Variants in TTC3 observed in about 807,000 individuals in gnomAD.
TTC3 encodes tetratricopeptide repeat domain 3.
A neutral mutation model predicts 249.6 loss-of-function variants in TTC3; 180 were observed. That is an observed-to-expected ratio of 0.72 (90% CI 0.64 to 0.82). The LOEUF (loss-of-function observed/expected upper bound fraction) is 0.82, where lower values mean the gene tolerates loss of function less well. TTC3 is among the 40% of genes least tolerant of loss of function. The probability of loss-of-function intolerance (pLI) is 0.00; values close to 1 mark genes in which losing one functional copy is unlikely to be tolerated. For synonymous variants in TTC3, 717 were observed against 805.0 expected (o/e 0.89, Z 1.85); for missense variants, 2,061 against 2,398.4 (o/e 0.86, Z 2.94).
chr21:37,153,046 A>T (rs774766105), exon 27 of TTC3: 1 of 1,614,024 alleles, frequency 6.2e-7, no homozygotes, highest in African/African-American at 1.3e-5. Context: ...CGGCATACAG[A>T]ATACAGCCAT....
At position 37,164,327 on chromosome 21, in the gene TTC3, A is replaced by G. The variant is rs1041709186; in HGVS notation, c.3335+112A>G. 7.3e-6 allele frequency: 8 copies of G among 1,089,574 alleles called. No homozygotes were observed. In the African/African-American group the frequency reaches 1.3e-4, roughly 18 times the overall value. The allele number at this position is 1,089,574 out of a possible 1,614,324, so 67.5% of individuals were successfully genotyped here. A position where few individuals can be genotyped will look rare whatever the true frequency, so the allele number is the denominator to read the frequency against. ...TAGAGATTTTGCCACATTTTACACA[A>G]AGTTAATTTAGGATTTTTTTTTTTT... is the stretch of plus-strand genomic sequence containing the variant. On this transcript the variant is annotated intron_variant, in intron 32 of 45. Transcript: ENST00000355666.
intron 35 of TTC3, among the ~76,000 whole-genome samples, chr21:37,173,293 G>C (rs1279192349): frequency 6.6e-6 from 1 of 152,178 alleles, no homozygotes; most frequent in African/African-American, 2.4e-5. Flanking sequence ...AGTAAGTATT[G>C]TCTGCTACTG....
intron 7 of TTC3, chr21:37,093,397 A>AG (rs1388332506): frequency 3.3e-5 from 5 of 150,122 alleles, no homozygotes; most frequent in Non-Finnish European, 5.9e-5. Context: ...AAAAAAAAAA[A>AG]AAAAAGGAAA....
Position 37,152,946 on chromosome 21 carries a change from C to T in TTC3, c.2414-5C>T. ...ATCACTTTAACCATTGTTATTTATC[C>T]TTAGAAACTGTAGACAATGTTCAGC... is the stretch of plus-strand genomic sequence containing the variant. On this transcript the variant is annotated splice_polypyrimidine_tract_variant and splice_region_variant and intron_variant, in intron 26 of 45. Coordinates refer to ENST00000355666, the Ensembl canonical transcript of TTC3. 1.3e-6 allele frequency: 2 copies of T among 1,566,026 alleles called. No individual in the cohort carries two copies. The highest frequency in any genetic ancestry group is 1.4e-5 in the African/African-American group (1 of 73,152).
intron 6 of TTC3, chr21:37,090,645 C>T (rs781495179): frequency 1.7e-6 from 1 of 592,992 alleles, no homozygotes; most frequent in Non-Finnish European, 2.1e-6. Flanking sequence ...CAATGTTAAA[C>T]CAATTTTTAA....
At chr21:37,102,063 G>T (rs1192103207) in intron 10 of TTC3, among the ~76,000 whole-genome samples, 1 of 151,524 alleles carries the variant, frequency 6.6e-6, no homozygotes, top group Admixed American at 6.6e-5. Flanking sequence ...TTACACTCAG[G>T]TTCAAATATA....
chr21:37,162,894 CT>C (rs1392774711), intron 31 of TTC3, among the ~76,000 whole-genome samples: 4 of 152,110 alleles, frequency 2.6e-5, no homozygotes, highest in Non-Finnish European at 2.9e-5. Flanking sequence ...TGCCTTTTTG[CT>C]GTGTTTTCTC....
intron 43 of TTC3, 31 bp from the exon 44 acceptor site, chr21:37,197,851 C>T: frequency 1.2e-6 from 2 of 1,600,242 alleles, no homozygotes; most frequent in Non-Finnish European, 1.7e-6. Flanking sequence ...TCCCTCTTGT[C>T]CCCTCCCCGC....
At chr21:37,136,978 TG>T (rs1203538225) in intron 18 of TTC3, among the ~76,000 whole-genome samples, 7 of 152,184 alleles carry the variant, frequency 4.6e-5, no homozygotes, top group Non-Finnish European at 8.8e-5. Flanking sequence ...GCCCTAGAAA[TG>T]GAACAACAAA....
chr21:37,080,598 T>C (rs2071501953), intron 1 of TTC3, among the ~76,000 whole-genome samples: 1 of 152,206 alleles, frequency 6.6e-6, no homozygotes, highest in Admixed American at 6.5e-5. Context: ...CTAACAGATT[T>C]CCTGTAGTTC....
chr21:37,141,440 C>CT (rs2078450330), intron 20 of TTC3, among the ~76,000 whole-genome samples: 1 of 151,018 alleles, frequency 6.6e-6, no homozygotes, highest in Non-Finnish European at 1.5e-5. Flanking sequence ...TAGAATGTGC[C>CT]TAGAACCTCC....
At chr21:37,174,786 T>G (rs2082091956) in intron 35 of TTC3, among the ~76,000 whole-genome samples, 2 of 152,180 alleles carry the variant, frequency 1.3e-5, no homozygotes, top group Non-Finnish European at 2.9e-5. Flanking sequence ...CTCGGTCTTC[T>G]CATTAATAAT....
chr21:37,181,591 A>G (rs981432073), intron 35 of TTC3, among the ~76,000 whole-genome samples: 1 of 152,354 alleles, frequency 6.6e-6, no homozygotes, highest in Middle Eastern at 3.4e-3. Flanking sequence ...AGGGAACATT[A>G]CTGAGCTGTT....
intron 11 of TTC3, among the ~76,000 whole-genome samples, chr21:37,115,702 C>G (rs987218234): frequency 6.6e-6 from 1 of 152,160 alleles, no homozygotes; most frequent in Admixed American, 6.5e-5. Flanking sequence ...GTTGTTTCTC[C>G]AACCTCACTG....
At chr21:37,122,439 A>AT (rs1568979204) in intron 12 of TTC3, among the ~76,000 whole-genome samples, 1 of 23,296 alleles carries the variant, frequency 4.3e-5, no homozygotes, top group African/African-American at 1.6e-4. Flanking sequence ...TATATATATT[A>AT]TATATATATA....
At chr21:37,195,708 G>A (rs1053966) in exon 42 of TTC3, 2 of 1,613,044 alleles carry the variant, frequency 1.2e-6, no homozygotes, top group Non-Finnish European at 1.7e-6. Context: ...GTCTTCAGGC[G>A]ACGATGGCCA....
At chr21:37,158,972 T>C (rs892847041) in intron 28 of TTC3, among the ~76,000 whole-genome samples, 9 of 152,138 alleles carry the variant, frequency 5.9e-5, no homozygotes, top group Non-Finnish European at 1.3e-4. Flanking sequence ...CTTCCTCTTA[T>C]ATTGCAGCTA....
intron 17 of TTC3, among the ~76,000 whole-genome samples, chr21:37,134,666 TC>T (rs1272084694): frequency 6.6e-6 from 1 of 152,208 alleles, no homozygotes; most frequent in Non-Finnish European, 1.5e-5. Context: ...GCCTCTCCAA[TC>T]TTTGTGGAAC....
chr21:37,189,324 C>A (rs2083701774), intron 39 of TTC3, among the ~76,000 whole-genome samples: 1 of 152,158 alleles, frequency 6.6e-6, no homozygotes, highest in South Asian at 2.1e-4. Context: ...TGGCTCACTG[C>A]AACCTCTGCC....
Sources: allele counts gnomAD v4.1 joint callset (sites outside exome capture counted in the v4.1 genomes callset), GRCh38; gene constraint gnomAD v4.1.1; transcripts MANE v1.5; gene names NCBI Gene and HGNC (gene_info 2026-07-23, HGNC 2026-07-21).